The following FAM184B variants were observed in gnomAD, a reference collection of about 807,000 sequenced individuals.
The protein encoded by FAM184B is family with sequence similarity 184 member B.
A neutral mutation model predicts 135.9 loss-of-function variants in FAM184B; 111 were observed. The observed-to-expected ratio is 0.82, with a 90% CI of 0.70 to 0.96. The LOEUF is 0.96. Ranked by LOEUF, FAM184B falls within the 40% of genes least tolerant of loss-of-function variation. FAM184B has a pLI of 0.00. For missense variants in FAM184B, 1,375 were observed against 1,323.9 expected, an observed-to-expected ratio of 1.04 and a Z score of -0.60; for synonymous variants, 552 against 524.8, an observed-to-expected ratio of 1.05 and a Z score of -0.71.
intron 1 of FAM184B, among the ~76,000 whole-genome samples, chr4:17,765,712 G>A (rs887292842): frequency 2.2e-4 from 33 of 152,160 alleles, no homozygotes; most frequent in African/African-American, 7.7e-4. Flanking sequence ...GTGGTAATGC[G>A]TCCGGAAATG....
intron 16 of FAM184B, among the ~76,000 whole-genome samples, 179 bp downstream of exon 16, chr4:17,634,830 C>G (rs1050937397): frequency 6.6e-6 from 1 of 151,036 alleles, no homozygotes; most frequent in Non-Finnish European, 1.5e-5. Context: ...TACAAAATCC[C>G]ATAAAAAATA....
At chr4:17,707,618 C>G in intron 3 of FAM184B, 31 bp downstream of exon 3, 1 of 1,550,200 alleles carries the variant, frequency 6.5e-7, no homozygotes, top group Non-Finnish European at 8.7e-7. Context: ...AACCTTGGGT[C>G]TTTTAAGGAA....
intron 5 of FAM184B, among the ~76,000 whole-genome samples, chr4:17,700,144 T>A (rs1304550162): frequency 1.3e-5 from 2 of 151,230 alleles, no homozygotes; most frequent in African/African-American, 4.9e-5. Context: ...GAAAAGGGGG[T>A]GGGGAACAGA....
At chr4:17,740,351 CAAA>C (rs55801096) in intron 1 of FAM184B, among the ~76,000 whole-genome samples, 2 of 84,532 alleles carry the variant, frequency 2.4e-5, no homozygotes, top group African/African-American at 5.0e-5. Context: ...GACCCTGTCT[CAAA>C]AAAAAAAAAA....
intron 1 of FAM184B, among the ~76,000 whole-genome samples, chr4:17,715,142 A>G (rs1717379224): frequency 6.6e-6 from 1 of 152,180 alleles, no homozygotes; most frequent in African/African-American, 2.4e-5. Context: ...TAAACTTCAT[A>G]ATAGATTTTG....
At chr4:17,699,109 T>C (rs1332227340) in intron 5 of FAM184B, among the ~76,000 whole-genome samples, 1 of 152,032 alleles carries the variant, frequency 6.6e-6, no homozygotes, top group Non-Finnish European at 1.5e-5. Flanking sequence ...AATTATAATA[T>C]CTAAAGTGAA....
chr4:17,721,140 T>C (rs1717516378), intron 1 of FAM184B, among the ~76,000 whole-genome samples: 1 of 151,560 alleles, frequency 6.6e-6, no homozygotes, highest in South Asian at 2.1e-4. Flanking sequence ...ATCCCAGCAC[T>C]TTCGGAGGCC....
chr4:17,696,915 G>A (rs1484780337), intron 5 of FAM184B, among the ~76,000 whole-genome samples: 7 of 152,178 alleles, frequency 4.6e-5, no homozygotes, highest in Admixed American at 3.9e-4. Context: ...AGGTAGAAGA[G>A]AGCAATCAGG....
intron 1 of FAM184B, among the ~76,000 whole-genome samples, chr4:17,747,399 A>T (rs1382803909): frequency 1.3e-5 from 2 of 152,166 alleles, no homozygotes; most frequent in Non-Finnish European, 2.9e-5. Context: ...CGTTTCTGGC[A>T]CGGACGTTAT....
rs557103566 is a variant in FAM184B, at chr4:17,684,685, T to C, written c.1596+3739A>G. 1.5e-4 allele frequency among the ~76,000 whole-genome samples: 23 copies of C among 152,314 alleles called. No homozygotes were observed. In the South Asian group the frequency reaches 3.5e-3, roughly 23 times the overall value. ...ATTGAGTTGAATCAAATGAAACTGA[T>C]ATTTGTCGAGGTTCTTGCTGCAACT... On this transcript the variant is annotated intron_variant, in intron 7 of 17. Coordinates refer to ENST00000265018, the MANE Select transcript of FAM184B (RefSeq NM_015688.2).
At chr4:17,729,233 T>C (rs1187593026) in intron 1 of FAM184B, among the ~76,000 whole-genome samples, 1 of 152,088 alleles carries the variant, frequency 6.6e-6, no homozygotes, top group African/African-American at 2.4e-5. Flanking sequence ...CTTGATTAGG[T>C]AAACAAAGCA....
chr4:17,669,715 C>T (rs1479080090), intron 7 of FAM184B, among the ~76,000 whole-genome samples: 1 of 152,084 alleles, frequency 6.6e-6, no homozygotes, highest in African/African-American at 2.4e-5. Flanking sequence ...GCAAAATGTG[C>T]ATATCTGTAG....
intron 1 of FAM184B, among the ~76,000 whole-genome samples, chr4:17,717,225 AT>A (rs1391881685): frequency 1.3e-5 from 2 of 152,184 alleles, no homozygotes; most frequent in Non-Finnish European, 2.9e-5. Context: ...AAATAGGGTA[AT>A]ATATCTTAGG....
At position 17,758,713 on chromosome 4, in the gene FAM184B, C is replaced by A. The variant is rs1023979793; in HGVS notation, c.141+22446G>T. Among the ~76,000 whole-genome samples, 3 of 152,292 alleles carry A rather than the reference C, an allele frequency of 2.0e-5. No homozygotes were observed. In the South Asian group the frequency reaches 6.2e-4, roughly 32 times the overall value. ...AGGCCATTAAATGGCACTTAGCAGG[C>A]GAGAGCCTGAATGACAGCTGCACAC... On this transcript the variant is annotated intron_variant, in intron 1 of 17. Coordinates refer to ENST00000265018, the MANE Select transcript of FAM184B (RefSeq NM_015688.2).
At chr4:17,680,025 C>A (rs1428476825) in intron 7 of FAM184B, among the ~76,000 whole-genome samples, 4 of 151,876 alleles carry the variant, frequency 2.6e-5, no homozygotes, top group Non-Finnish European at 5.9e-5. Flanking sequence ...GGACTTGGGG[C>A]AAAGGGTGAG....
intron 14 of FAM184B, among the ~76,000 whole-genome samples, chr4:17,637,813 ACCCCCTC>A: frequency 6.6e-6 from 1 of 151,754 alleles, no homozygotes; most frequent in East Asian, 1.9e-4. Context: ...CTTGCTAGTC[ACCCCCTC>A]CCCCTGTTTC....
chr4:17,730,930 C>T (rs185816746), intron 1 of FAM184B, among the ~76,000 whole-genome samples: 1 of 152,152 alleles, frequency 6.6e-6, no homozygotes, highest in Admixed American at 6.5e-5. Context: ...TCGAGAATTA[C>T]GTGAAGAATG....
At chr4:17,682,716 C>T (rs1173468967) in intron 7 of FAM184B, among the ~76,000 whole-genome samples, 1 of 152,040 alleles carries the variant, frequency 6.6e-6, no homozygotes, top group South Asian at 2.1e-4. Flanking sequence ...TCAGGCTGGT[C>T]TTGAACTCCT....
At chr4:17,640,298 T>C (rs62295567) in intron 13 of FAM184B, among the ~76,000 whole-genome samples, 87,944 of 143,956 alleles carry the variant, frequency 0.61, 27,306 homozygotes, top group East Asian at 0.89. Flanking sequence ...TGGTGAAACC[T>C]CGTCTCTACT....
Sources: gnomAD v4.1 joint callset for allele counts (sites outside exome capture counted in the v4.1 genomes callset) on GRCh38, gnomAD v4.1.1 for gene constraint, MANE v1.5 for transcripts, NCBI Gene and HGNC (gene_info 2026-07-23, HGNC 2026-07-21) for gene names.